XPNPEP1: variants seen among roughly 807,000 people sequenced by gnomAD.
XPNPEP1 encodes X-prolyl aminopeptidase 1, also known as xaa-Pro aminopeptidase 1.
Under a neutral mutation model 92.4 loss-of-function variants are expected in XPNPEP1, and 39 were observed. The observed-to-expected ratio is 0.42, with a 90% CI of 0.33 to 0.55. The LOEUF (loss-of-function observed/expected upper bound fraction) is 0.55, where lower values mean the gene tolerates loss of function less well. Ranked by LOEUF, XPNPEP1 falls within the 20% of genes least tolerant of loss-of-function variation. The pLI is 0.08. For synonymous variants in XPNPEP1, 307 were observed against 299.4 expected (o/e 1.03, Z -0.26); for missense variants, 654 against 856.1 (o/e 0.76, Z 2.95).
chr10:109,878,618 T>C (rs1406183712), intron 12 of XPNPEP1, among the ~76,000 whole-genome samples: 2 of 152,216 alleles, frequency 1.3e-5, no homozygotes, highest in Non-Finnish European at 2.9e-5. Context: ...CCAGGTGTGA[T>C]GGCTCACACC....
chr10:109,909,274 AAAAT>A (rs1430375339), intron 2 of XPNPEP1, among the ~76,000 whole-genome samples: 3 of 151,042 alleles, frequency 2.0e-5, no homozygotes, highest in South Asian at 2.1e-4. Flanking sequence ...CTGTCTCAAA[AAAAT>A]AAATAAATAA....
In XPNPEP1 at chr10:109,920,470, C is replaced by T. The variant is rs74321249; in HGVS notation, c.32+2932G>A. ...TCACCGAATTTCCCATTACTTCATA[C>T]GTAAGTTTCTAAGATGGTAAGTAAC... On this transcript the variant is annotated intron_variant, in intron 1 of 20. Coordinates refer to ENST00000502935, the MANE Select transcript of XPNPEP1 (RefSeq NM_020383.4). Among the ~76,000 whole-genome samples the T allele has an allele frequency of 1.2e-4, 18 of 152,286 alleles. No individual in the cohort carries two copies. The East Asian group carries it at 1.7e-3, about 15-fold the overall frequency.
At chr10:109,899,210 T>C (rs1221538326) in intron 3 of XPNPEP1, among the ~76,000 whole-genome samples, 1 of 152,208 alleles carries the variant, frequency 6.6e-6, no homozygotes, top group Admixed American at 6.5e-5. Flanking sequence ...GAAGAGTCAC[T>C]GGAAAGTAGC....
chr10:109,918,858 GGGAAGGAA>G (rs869050041), intron 1 of XPNPEP1, among the ~76,000 whole-genome samples: 3,472 of 86,986 alleles, frequency 0.04, 113 homozygotes, highest in Middle Eastern at 0.083. Context: ...GAAGGAAGGA[GGGAAGGAA>G]GGAAGGAAGG....
At position 109,923,430 on chromosome 10, in the gene XPNPEP1, C is replaced by T. The variant is rs1247192952; in HGVS notation, c.4G>A (p.Ala2Thr). M[A>T]ASRKPPRVRV... is the part of the protein sequence containing the mutation. ...ACTCGCGGTGGCTTTCTGGAGGCTG[C>T]CATTCGGCGGTGACGTGCCCCAGCC... The change falls in exon 1 of 21, where the codon GCA (alanine) becomes ACA (threonine). Residue 2 changes from alanine (A) to threonine (T), a missense_variant. Ala to Thr is a moderately conservative substitution (Grantham distance 58). Transcript: ENST00000502935. 2.8e-6 allele frequency: 4 copies of T among 1,441,478 alleles called. No homozygotes were observed. In the African/African-American group the frequency reaches 4.5e-5, roughly 16 times the overall value. 89.3% of individuals were successfully genotyped at this position (1,441,478 alleles called of 1,614,324 possible). A position where few individuals can be genotyped will look rare whatever the true frequency, so the allele number is the denominator to read the frequency against.
intron 14 of XPNPEP1, chr10:109,876,258 A>G (rs2133377177): frequency 6.6e-6 from 1 of 152,436 alleles, no homozygotes; most frequent in East Asian, 1.9e-4. Context: ...GCACTGGGAA[A>G]CACCCAAAGG....
intron 4 of XPNPEP1, 103 bp downstream of exon 4, chr10:109,892,909 T>G: frequency 8.6e-7 from 1 of 1,163,348 alleles, no homozygotes. Context: ...GCATCTGGTT[T>G]GCATTTTCTT....
chr10:109,889,818 G>A (rs1241048318), intron 5 of XPNPEP1, among the ~76,000 whole-genome samples: 2 of 152,110 alleles, frequency 1.3e-5, no homozygotes, highest in Non-Finnish European at 2.9e-5. Context: ...CATAACCATA[G>A]AAGGGAAGTG....
At chr10:109,884,329 T>A (rs774609618) in intron 8 of XPNPEP1, 181 bp from the exon 9 acceptor site, 1 of 592,780 alleles carries the variant, frequency 1.7e-6, no homozygotes, top group Non-Finnish European at 3.0e-6. Flanking sequence ...CAATTGCTCA[T>A]GTCCACCACG....
chr10:109,881,550 G>C (rs1202752975), intron 10 of XPNPEP1, among the ~76,000 whole-genome samples: 1 of 152,202 alleles, frequency 6.6e-6, no homozygotes, highest in African/African-American at 2.4e-5. Flanking sequence ...TTTCTCTCCA[G>C]AGAGAGAGGA....
chr10:109,920,034 T>TA (rs561125587), intron 1 of XPNPEP1, among the ~76,000 whole-genome samples: 2,629 of 143,496 alleles, frequency 0.018, 35 homozygotes, highest in South Asian at 0.1. Flanking sequence ...CCGTCTCATT[T>TA]AAAAAAAAAA....
chr10:109,873,858 T>G (rs1304306200), intron 15 of XPNPEP1, among the ~76,000 whole-genome samples: 1 of 152,190 alleles, frequency 6.6e-6, no homozygotes, highest in African/African-American at 2.4e-5. Flanking sequence ...GAAGACATTG[T>G]GCTAAATGAC....
rs1482163091 is a variant in XPNPEP1 at position 109,878,043 on chromosome 10, C to T, written c.1198G>A (p.Val400Met). 6 of 1,614,242 alleles carry T rather than the reference C, an allele frequency of 3.7e-6. No individual in the cohort carries two copies. Among genetic ancestry groups the T allele is most frequent in the Admixed American group, 1.7e-5 (1 of 60,028 alleles). Residue 400 changes from valine (V) to methionine (M), a missense_variant, in exon 13 of 21, where the codon GTG (valine) becomes ATG (methionine). By Grantham distance (21) the Val-to-Met change is conservative. Transcript: ENST00000502935. ...WLEKEVPKGG[V>M]TEISAADKAE... ...TTGTCAGCAGCTGAGATCTCTGTCACACCACCTTTGGGAACCTATGAGAAA... is the reference window on the plus strand; with the variant it reads ...TTGTCAGCAGCTGAGATCTCTGTCATACCACCTTTGGGAACCTATGAGAAA...
chr10:109,899,108 T>C (rs886713532), intron 3 of XPNPEP1, among the ~76,000 whole-genome samples: 1 of 152,208 alleles, frequency 6.6e-6, no homozygotes, highest in Non-Finnish European at 1.5e-5. Context: ...ATATAAGTTA[T>C]TGGCATTTTT....
At chr10:109,920,188 G>C (rs1850460935) in intron 1 of XPNPEP1, among the ~76,000 whole-genome samples, 1 of 152,190 alleles carries the variant, frequency 6.6e-6, no homozygotes, top group Non-Finnish European at 1.5e-5. Context: ...GTAAAGACAG[G>C]AAGTAGACAT....
At chr10:109,886,451 G>C in intron 7 of XPNPEP1, 110 bp from the exon 8 acceptor site, 2 of 984,836 alleles carry the variant, frequency 2.0e-6, no homozygotes, top group Non-Finnish European at 3.1e-6. Context: ...TCTTACAGGA[G>C]CACGCTACTT....
At chr10:109,908,243 G>C (rs1194884985) in intron 2 of XPNPEP1, among the ~76,000 whole-genome samples, 6 of 152,190 alleles carry the variant, frequency 3.9e-5, no homozygotes, top group Non-Finnish European at 8.8e-5. Context: ...CACAGACCTA[G>C]AAAAGAATTA....
At chr10:109,873,484 G>T in intron 15 of XPNPEP1, 57 bp from the exon 16 acceptor site, 1 of 1,606,878 alleles carries the variant, frequency 6.2e-7, no homozygotes, top group South Asian at 1.1e-5. Flanking sequence ...AGTCAAATAT[G>T]ACACAGGCAA....
chr10:109,901,905 A>C (rs1849306922), intron 3 of XPNPEP1, among the ~76,000 whole-genome samples: 1 of 152,234 alleles, frequency 6.6e-6, no homozygotes, highest in Non-Finnish European at 1.5e-5. Context: ...AAGGAATGTA[A>C]AGTATCTTCT....
Sources: allele counts gnomAD v4.1 joint callset (sites outside exome capture counted in the v4.1 genomes callset), GRCh38; gene constraint gnomAD v4.1.1; transcripts MANE v1.5; gene names NCBI Gene and HGNC (gene_info 2026-07-23, HGNC 2026-07-21).